The following ZNF618 variants were observed in gnomAD, a reference collection of about 807,000 sequenced individuals.
ZNF618 encodes neural precursor cell expressed, developmentally down-regulated 10.
A neutral mutation model predicts 103.0 loss-of-function variants in ZNF618; 34 were observed. The observed-to-expected ratio is 0.33, with a 90% CI of 0.25 to 0.44. The LOEUF is 0.44. Among genes scored for constraint, ZNF618 ranks in the 20% least tolerant of loss-of-function variants. The pLI is 1.00. For synonymous variants in ZNF618, 551 were observed against 542.2 expected (o/e 1.02, Z -0.23); for missense variants, 1,059 against 1,295.4 (o/e 0.82, Z 2.80).
intron 1 of ZNF618, among the ~76,000 whole-genome samples, chr9:113,921,900 T>C (rs57197526): frequency 0.032 from 4,925 of 152,272 alleles, 260 homozygotes; most frequent in African/African-American, 0.11. Flanking sequence ...GGTTTTTTTT[T>C]CCTGTTATTT....
chr9:113,933,230 G>A (rs1255043897), intron 1 of ZNF618, among the ~76,000 whole-genome samples: 1 of 152,190 alleles, frequency 6.6e-6, no homozygotes, highest in Non-Finnish European at 1.5e-5. Flanking sequence ...CTGAGGTAGA[G>A]CCAGTCAGCG....
intron 1 of ZNF618, among the ~76,000 whole-genome samples, chr9:113,958,243 G>C (rs1564217873): frequency 6.6e-6 from 1 of 152,150 alleles, no homozygotes; most frequent in East Asian, 1.9e-4. Flanking sequence ...GGAGTATCTG[G>C]GTTGGAGTCC....
chr9:114,029,859 G>A (rs933094262), intron 11 of ZNF618, among the ~76,000 whole-genome samples: 12 of 152,168 alleles, frequency 7.9e-5, no homozygotes, highest in Middle Eastern at 3.2e-3. Flanking sequence ...AAAAAGTTCC[G>A]AGAAGTTATT....
chr9:113,938,572 CT>C (rs71367741), intron 1 of ZNF618, among the ~76,000 whole-genome samples: 65 of 136,714 alleles, frequency 4.8e-4, no homozygotes, highest in Admixed American at 5.8e-4. Flanking sequence ...TTCTTTTTTT[CT>C]TTTTTTTTTT....
chr9:114,010,055 A>G (rs1437272426), intron 9 of ZNF618, among the ~76,000 whole-genome samples: 1 of 152,210 alleles, frequency 6.6e-6, no homozygotes, highest in Non-Finnish European at 1.5e-5. Context: ...CACACCTGTA[A>G]TCCCAGCACT....
At chr9:114,040,498 C>T (rs1002397743) in intron 13 of ZNF618, among the ~76,000 whole-genome samples, 16 of 151,970 alleles carry the variant, frequency 1.1e-4, no homozygotes, top group African/African-American at 1.7e-4. Flanking sequence ...ACCCCACAAC[C>T]GGCCCCGGTG....
chr9:113,922,911 A>G (rs960457195), intron 1 of ZNF618, among the ~76,000 whole-genome samples: 2 of 152,254 alleles, frequency 1.3e-5, no homozygotes, highest in Non-Finnish European at 1.5e-5. Context: ...AATCTTAACA[A>G]TACGGAGTCT....
Position 114,056,115 on chromosome 9 carries a change from G to A in ZNF618, c.*5948G>A, listed in dbSNP as rs1196368449. The stretch of plus-strand genomic sequence containing the variant: ...TGGGGGTTGAGTTGACGGTTCTTGT[G>A]ATATGTAAACCCCCGAGACCAAACT... On this transcript the variant is annotated 3_prime_UTR_variant, in exon 15 of 15. Coordinates refer to ENST00000374126, the MANE Select transcript of ZNF618 (RefSeq NM_001318042.2). The A allele has an allele frequency of 2.0e-5, 3 of 152,430 alleles. No homozygotes were observed. The highest frequency in any genetic ancestry group is 4.4e-5 in the Non-Finnish European group (3 of 68,008). The allele number at this position is 152,430 out of a possible 1,614,324, so 9.4% of individuals were successfully genotyped here. A position where few individuals can be genotyped will look rare whatever the true frequency, so the allele number is the denominator to read the frequency against.
intron 4 of ZNF618, among the ~76,000 whole-genome samples, chr9:114,001,458 A>T (rs1564281039): frequency 6.6e-6 from 1 of 152,164 alleles, no homozygotes. Context: ...CCCATTCTGC[A>T]GATCAGCAGA....
At chr9:114,016,606 G>A in intron 9 of ZNF618, 89 bp from the exon 10 acceptor site, 3 of 919,700 alleles carry the variant, frequency 3.3e-6, no homozygotes, top group East Asian at 2.5e-5. Context: ...CCAGAATGGG[G>A]AGGAGTTTTT....
chr9:114,050,023 C>T lies in ZNF618; in HGVS notation c.2721C>T (p.Ala907=), dbSNP rs769391821. 2 of 1,613,840 alleles carry T rather than the reference C, an allele frequency of 1.2e-6. No homozygotes were observed. Among genetic ancestry groups the T allele is most frequent in the Admixed American group, 1.7e-5 (1 of 60,012 alleles). Residue 907 remains alanine, a synonymous_variant, in exon 15 of 15, where the codon GCC becomes GCT. Transcript: ENST00000374126. The stretch of plus-strand genomic sequence containing the variant: ...AGCACACAAAACTCGCCAAGCTCGC[C>T]TTCTGGCTCCTGGCGGTTCCGGCCG... ...TQKHTKLAKL[A]FWLLAVPAVG...
chr9:113,904,320 C>A (rs1007426964), intron 1 of ZNF618, among the ~76,000 whole-genome samples: 1 of 150,264 alleles, frequency 6.7e-6, no homozygotes, highest in South Asian at 2.1e-4. Flanking sequence ...TGTTTTTTTT[C>A]CTCTACCTTC....
At chr9:113,911,400 C>T (rs1831532575) in intron 1 of ZNF618, among the ~76,000 whole-genome samples, 1 of 152,162 alleles carries the variant, frequency 6.6e-6, no homozygotes, top group African/African-American at 2.4e-5. Context: ...GCAATCTCGG[C>T]TCACTGCAAC....
chr9:113,970,385 G>A (rs938129953), intron 2 of ZNF618, among the ~76,000 whole-genome samples: 9 of 152,130 alleles, frequency 5.9e-5, no homozygotes, highest in African/African-American at 2.2e-4. Context: ...TGGATTGGAG[G>A]CTAGTAGAAT....
intron 10 of ZNF618, chr9:114,028,343 A>C: frequency 1.5e-5 from 3 of 202,238 alleles, no homozygotes; most frequent in South Asian, 1.1e-4. Flanking sequence ...CTGCCTGTCT[A>C]CTTCCTATTG....
At chr9:113,961,394 G>A (rs559861110) in intron 1 of ZNF618, among the ~76,000 whole-genome samples, 3 of 152,334 alleles carry the variant, frequency 2.0e-5, no homozygotes, top group South Asian at 2.1e-4. Context: ...GTATTTGGGC[G>A]AATGAATAAG....
At chr9:113,892,455 G>T (rs1829699063) in intron 1 of ZNF618, among the ~76,000 whole-genome samples, 1 of 152,128 alleles carries the variant, frequency 6.6e-6, no homozygotes, top group Admixed American at 6.5e-5. Context: ...AACCCATGAA[G>T]ACAGAGGGCT....
intron 1 of ZNF618, among the ~76,000 whole-genome samples, chr9:113,930,711 T>C (rs974764204): frequency 7.9e-5 from 12 of 152,336 alleles, no homozygotes; most frequent in African/African-American, 2.9e-4. Context: ...TCTGATTCCT[T>C]GCCTTCCTCG....
At chr9:113,971,630 C>T (rs953954440) in intron 2 of ZNF618, among the ~76,000 whole-genome samples, 1 of 152,212 alleles carries the variant, frequency 6.6e-6, no homozygotes, top group African/African-American at 2.4e-5. Context: ...CTCTCTAATG[C>T]ATGAATCTCT....
Sources: allele counts gnomAD v4.1 joint callset (sites outside exome capture counted in the v4.1 genomes callset), GRCh38; gene constraint gnomAD v4.1.1; transcripts MANE v1.5; gene names NCBI Gene and HGNC (gene_info 2026-07-23, HGNC 2026-07-21).